USP31: variants seen among roughly 807,000 people sequenced by gnomAD.
The protein encoded by USP31 is ubiquitin carboxyl-terminal hydrolase 31.
Under a neutral mutation model 119.4 loss-of-function variants are expected in USP31, and 44 were observed. The observed-to-expected ratio is 0.37, with a 90% CI of 0.29 to 0.47. The LOEUF (loss-of-function observed/expected upper bound fraction) is 0.47. USP31 is among the 20% of genes least tolerant of loss of function. The pLI is 0.99. For synonymous variants in USP31, 749 were observed against 705.6 expected, an observed-to-expected ratio of 1.06 and a Z score of -0.97; for missense variants, 1,643 against 1,730.2, an observed-to-expected ratio of 0.95 and a Z score of 0.89.
intron 6 of USP31, among the ~76,000 whole-genome samples, chr16:23,091,969 G>A (rs185647200): frequency 6.6e-6 from 1 of 152,306 alleles, no homozygotes; most frequent in Admixed American, 6.5e-5. Context: ...AGGTAAGGGT[G>A]GGAAGATCTG....
At chr16:23,082,056 T>C (rs1900854185) in intron 12 of USP31, among the ~76,000 whole-genome samples, 1 of 152,216 alleles carries the variant, frequency 6.6e-6, no homozygotes. Flanking sequence ...TTTGTATTTA[T>C]TTATGACTCA....
In USP31 at chr16:23,074,668, T is replaced by C. The variant is rs145954160; in HGVS notation, c.2177-788A>G. 2.4e-3 allele frequency among the ~76,000 whole-genome samples: 362 copies of C among 152,294 alleles called. 1 individual carries two copies. Among genetic ancestry groups the C allele is most frequent in the African/African-American group, 8.2e-3 (341 of 41,564 alleles). On this transcript the variant is annotated intron_variant, in intron 13 of 15. Transcript: ENST00000219689. Reference sequence around the variant, plus strand: ...AGGGAGGAGCACAAACCAGGCTCCATGGAAGTTCCCTGGCAGACTGAGAAC... The same window carrying C: ...AGGGAGGAGCACAAACCAGGCTCCACGGAAGTTCCCTGGCAGACTGAGAAC...
chr16:23,082,829 C>T (rs1010545970), intron 11 of USP31, among the ~76,000 whole-genome samples: 37 of 116,398 alleles, frequency 3.2e-4, no homozygotes, highest in Middle Eastern at 4.5e-3. Flanking sequence ...TTCTTTCTCT[C>T]TCTTTTTTTT....
chr16:23,068,310 G>A lies in USP31; in HGVS notation c.3795C>T (p.Asn1265=), dbSNP rs1423149187. ...CTCTCTCTGCCTCGTCGTCCCCGGT[G>A]TTCTTACAGACAGACTTAACAGAGC... ...GGSSVKSVCK[N]TGDDEAERGH... Residue 1265 remains asparagine (N), a synonymous_variant, in exon 16 of 16, where the codon AAC becomes AAT. Transcript: ENST00000219689. 1 of 1,614,024 alleles carries A rather than the reference G, an allele frequency of 6.2e-7. No homozygotes were observed.
intron 1 of USP31, among the ~76,000 whole-genome samples, chr16:23,130,138 A>AG (rs1367460814): frequency 1.3e-5 from 2 of 152,184 alleles, no homozygotes; most frequent in Non-Finnish European, 2.9e-5. Flanking sequence ...TTTCCGGGAC[A>AG]GGGGGGAAGA....
At chr16:23,112,840 C>T (rs1007771676) in intron 1 of USP31, among the ~76,000 whole-genome samples, 1 of 151,884 alleles carries the variant, frequency 6.6e-6, no homozygotes, top group Non-Finnish European at 1.5e-5. Flanking sequence ...ACCAGCCTGA[C>T]CAACATGGAG....
intron 1 of USP31, among the ~76,000 whole-genome samples, chr16:23,147,245 A>G (rs1903541495): frequency 1.3e-5 from 2 of 152,156 alleles, no homozygotes; most frequent in African/African-American, 4.8e-5. Flanking sequence ...AGTAGCCAGG[A>G]TAACAGGCAT....
intron 6 of USP31, among the ~76,000 whole-genome samples, chr16:23,095,182 G>A (rs1390466355): frequency 2.6e-5 from 4 of 152,232 alleles, no homozygotes; most frequent in African/African-American, 9.6e-5. Flanking sequence ...ACCATGGCAT[G>A]AGGACTTTGT....
Position 23,089,541 on chromosome 16 carries a change from A to T in USP31, c.1415+1083T>A, listed in dbSNP as rs116082124. Among the ~76,000 whole-genome samples, 504 of 152,334 alleles carry T rather than the reference A, an allele frequency of 3.3e-3. 4 individuals are homozygous for T. The highest frequency in any genetic ancestry group is 0.011 in the African/African-American group (450 of 41,578). ...CTGTCAATGAATAGCATAAATATGC[A>T]TATCAACACATTTTACATTTATGTT... is the stretch of plus-strand genomic sequence containing the variant. On this transcript the variant is annotated intron_variant, in intron 7 of 15. Coordinates refer to ENST00000219689, the MANE Select transcript of USP31 (RefSeq NM_020718.4).
intron 10 of USP31, 31 bp from the exon 11 acceptor site, chr16:23,085,020 G>GA: frequency 6.2e-7 from 1 of 1,609,836 alleles, no homozygotes. Flanking sequence ...ATCTATCAGG[G>GA]AATGTCTTGC....
Position 23,085,640 on chromosome 16 carries a change from C to G in USP31, c.1645G>C (p.Gly549Arg). 6.2e-7 allele frequency: 1 copy of G among 1,614,046 alleles called. No individual in the cohort carries two copies. The highest frequency in any genetic ancestry group is 1.1e-5 in the South Asian group (1 of 91,058). ...VERALKSCGP[G>R]GTAHVKLVVE... Reference sequence around the variant, plus strand: ...ACTAATTTCACATGAGCAGTGCCACCTGGTCCACAAGATTTTAATGCCCTA... The same window carrying G: ...ACTAATTTCACATGAGCAGTGCCACGTGGTCCACAAGATTTTAATGCCCTA... The change falls in exon 10 of 16, where the codon GGT (glycine) becomes CGT (arginine). Residue 549 changes from glycine (G) to arginine (R), a missense_variant. Physicochemically the swap from Gly to Arg is moderately radical, Grantham distance 125 (BLOSUM62 -2). Coordinates refer to ENST00000219689, the MANE Select transcript of USP31 (RefSeq NM_020718.4).
chr16:23,085,738 T>A (rs1020007884), intron 9 of USP31, 76 bp from the exon 10 acceptor site: 1 of 1,236,796 alleles, frequency 8.1e-7, no homozygotes. Context: ...TGTGATTATG[T>A]CCTACCCAAA....
rs1900738878 is a variant in USP31 at position 23,079,863 on chromosome 16, C to T, written c.2176+83G>A. Reference sequence around the variant, plus strand: ...ACTGCCTACCGGAGGGGAAATGAGGCTCTAAAGTCAAGTCACCCTGCCACA... The same window carrying T: ...ACTGCCTACCGGAGGGGAAATGAGGTTCTAAAGTCAAGTCACCCTGCCACA... On this transcript the variant is annotated intron_variant, in intron 13 of 15. Coordinates refer to ENST00000219689, the MANE Select transcript of USP31 (RefSeq NM_020718.4). The T allele has an allele frequency of 6.8e-6, 9 of 1,316,064 alleles. No individual in the cohort carries two copies. In the Admixed American group the frequency reaches 1.4e-4, roughly 20 times the overall value. The allele number at this position is 1,316,064 out of a possible 1,614,324, so 81.5% of individuals were successfully genotyped here.
At chr16:23,141,349 CCTAT>C (rs1413067700) in intron 1 of USP31, among the ~76,000 whole-genome samples, 5 of 152,066 alleles carry the variant, frequency 3.3e-5, no homozygotes, top group South Asian at 2.1e-4. Flanking sequence ...CTCTCATACA[CCTAT>C]CTATTTCTCT....
At chr16:23,097,241 G>A (rs1435242823) in intron 6 of USP31, among the ~76,000 whole-genome samples, 1 of 152,154 alleles carries the variant, frequency 6.6e-6, no homozygotes, top group East Asian at 1.9e-4. Context: ...AGAAAATCTA[G>A]AAGAAATGGA....
Position 23,068,038 on chromosome 16 carries a change from C to A in USP31, c.*8G>T. The A allele has an allele frequency of 6.2e-7, 1 of 1,600,310 alleles. No homozygotes were observed. Among genetic ancestry groups the A allele is most frequent in the African/African-American group, 1.3e-5 (1 of 74,292 alleles). ...CTTTACAGATAAAACACTTTGATTG[C>A]AGAAATATCACTGAGGTTTTTGAGA... On this transcript the variant is annotated 3_prime_UTR_variant, in exon 16 of 16. Transcript: ENST00000219689.
chr16:23,078,051 T>C (rs543673157), intron 13 of USP31, among the ~76,000 whole-genome samples: 15 of 152,224 alleles, frequency 9.9e-5, no homozygotes, highest in East Asian at 5.8e-4. Context: ...CAGTGGCTCA[T>C]GCCTGTAATC....
At chr16:23,088,598 T>C (rs2141850072) in intron 7 of USP31, among the ~76,000 whole-genome samples, 1 of 152,304 alleles carries the variant, frequency 6.6e-6, no homozygotes, top group Non-Finnish European at 1.5e-5. Flanking sequence ...TGTCTTTTTG[T>C]CAGGGAACTC....
intron 6 of USP31, among the ~76,000 whole-genome samples, chr16:23,101,967 AT>A (rs1354330782): frequency 1.5e-5 from 2 of 135,802 alleles, no homozygotes; most frequent in South Asian, 4.9e-4. Context: ...TGATAGCAAA[AT>A]TTAAAAAAAA....
Sources: allele counts gnomAD v4.1 joint callset (sites outside exome capture counted in the v4.1 genomes callset), GRCh38; gene constraint gnomAD v4.1.1; transcripts MANE v1.5; gene names NCBI Gene and HGNC (gene_info 2026-07-23, HGNC 2026-07-21).